Variants in FRMD4A observed in about 807,000 individuals in gnomAD.
FRMD4A encodes the protein FERM domain-containing protein 4A.
In FRMD4A, 29 loss-of-function variants were observed where a neutral mutation model predicts 129.1. The observed-to-expected ratio is 0.22, with a 90% CI of 0.17 to 0.31. The LOEUF (loss-of-function observed/expected upper bound fraction) is 0.31, where lower values mean the gene tolerates loss of function less well. Among genes scored for constraint, FRMD4A ranks in the 10% least tolerant of loss-of-function variants. FRMD4A has a pLI of 1.00. For missense variants in FRMD4A, 1,272 were observed against 1,375.8 expected (o/e 0.92, Z 1.19); for synonymous variants, 634 against 571.6 (o/e 1.11, Z -1.56).
intron 8 of FRMD4A, among the ~76,000 whole-genome samples, chr10:13,756,523 G>A (rs1564749499): frequency 1.3e-5 from 2 of 151,986 alleles, no homozygotes; most frequent in South Asian, 2.1e-4. Flanking sequence ...CACCATGCCC[G>A]ACTAATTGTT....
At chr10:14,202,272 G>T (rs1842660425) in intron 2 of FRMD4A, among the ~76,000 whole-genome samples, 1 of 152,224 alleles carries the variant, frequency 6.6e-6, no homozygotes. Context: ...GCCTGACTTT[G>T]TGATGACACA....
At chr10:14,282,708 GC>G (rs1424525918) in intron 2 of FRMD4A, among the ~76,000 whole-genome samples, 1 of 152,170 alleles carries the variant, frequency 6.6e-6, no homozygotes, top group African/African-American at 2.4e-5. Flanking sequence ...CCAGGTCATA[GC>G]AGACACAGGT....
At chr10:13,742,281 G>T (rs781570871) in intron 9 of FRMD4A, among the ~76,000 whole-genome samples, 1 of 152,146 alleles carries the variant, frequency 6.6e-6, no homozygotes, top group Non-Finnish European at 1.5e-5. Flanking sequence ...CCCCGCTTTC[G>T]GAAGGGCAGA....
intron 23 of FRMD4A, among the ~76,000 whole-genome samples, chr10:13,652,642 AACAG>A (rs2081740476): frequency 6.6e-6 from 1 of 152,222 alleles, no homozygotes; most frequent in South Asian, 2.1e-4. Context: ...GCTACTGTCC[AACAG>A]ACAGCCCAAG....
At chr10:13,855,187 A>C (rs923897724) in intron 3 of FRMD4A, among the ~76,000 whole-genome samples, 2 of 152,174 alleles carry the variant, frequency 1.3e-5, no homozygotes, top group Admixed American at 1.3e-4. Context: ...AAGAAGGGAA[A>C]TGTTATGCTC....
intron 2 of FRMD4A, among the ~76,000 whole-genome samples, chr10:13,966,000 A>G (rs1312582678): frequency 6.6e-6 from 1 of 152,012 alleles, no homozygotes; most frequent in Non-Finnish European, 1.5e-5. Flanking sequence ...TTCCTTTCAC[A>G]TGTAAGTTTG....
chr10:14,265,882 G>A (rs1468280211), intron 2 of FRMD4A, among the ~76,000 whole-genome samples: 1 of 152,160 alleles, frequency 6.6e-6, no homozygotes, highest in Non-Finnish European at 1.5e-5. Context: ...CTCCTGGGGT[G>A]CCTCATCACA....
intron 2 of FRMD4A, among the ~76,000 whole-genome samples, chr10:14,094,631 G>C (rs1198041390): frequency 2.6e-5 from 4 of 152,138 alleles, no homozygotes; most frequent in Non-Finnish European, 5.9e-5. Flanking sequence ...GGCCCTGCTG[G>C]AAAAATCCTG....
At chr10:14,175,740 G>A (rs1049291608) in intron 2 of FRMD4A, among the ~76,000 whole-genome samples, 1 of 151,998 alleles carries the variant, frequency 6.6e-6, no homozygotes, top group African/African-American at 2.4e-5. Context: ...TCCCAGGCTG[G>A]TCTCAAACTC....
intron 2 of FRMD4A, among the ~76,000 whole-genome samples, chr10:14,121,489 C>G (rs914474222): frequency 4.0e-4 from 61 of 152,184 alleles, no homozygotes; most frequent in African/African-American, 1.4e-3. Flanking sequence ...GCTAATGTTG[C>G]TTATTCACAC....
rs114327402 is a variant in FRMD4A, at chr10:13,954,401, G to A, written c.46-95489C>T. Among the ~76,000 whole-genome samples, 510 of 152,210 alleles carry A rather than the reference G, an allele frequency of 3.4e-3. 3 individuals are homozygous for A. The highest frequency in any genetic ancestry group is 0.011 in the African/African-American group (476 of 41,514). The stretch of plus-strand genomic sequence containing the variant: ...AGAGCGTGTGCGGGGGAACTCACAC[G>A]TTTACAAAACCATCAGATCTCCTGA... On this transcript the variant is annotated intron_variant, in intron 2 of 24. Transcript: ENST00000357447.
At chr10:14,261,525 C>A (rs1218333) in intron 2 of FRMD4A, among the ~76,000 whole-genome samples, 2 of 151,934 alleles carry the variant, frequency 1.3e-5, no homozygotes, top group Admixed American at 6.5e-5. Flanking sequence ...TGAAACAGCT[C>A]TCAGAGAAGC....
At chr10:14,291,663 A>G (rs1340205960) in intron 2 of FRMD4A, among the ~76,000 whole-genome samples, 4 of 152,138 alleles carry the variant, frequency 2.6e-5, no homozygotes, top group African/African-American at 9.6e-5. Flanking sequence ...AGATATCTTT[A>G]AAAAGTATAT....
chr10:13,893,393 G>A (rs886323352), intron 2 of FRMD4A, among the ~76,000 whole-genome samples: 5 of 152,156 alleles, frequency 3.3e-5, no homozygotes, highest in Non-Finnish European at 7.3e-5. Flanking sequence ...TGCAATTGGA[G>A]CCCATCTCCT....
rs527499720 is a variant in FRMD4A at position 14,063,447 on chromosome 10, C to T, written c.46-204535G>A. ...AACACTAAGATGAATTTTATTATCT[C>T]TGAATATTTTATAGAAAATTGAGGT... On this transcript the variant is annotated intron_variant, in intron 2 of 24. Transcript: ENST00000357447. Among the ~76,000 whole-genome samples the T allele has an allele frequency of 7.9e-5, 12 of 152,014 alleles. No homozygotes were observed. In the South Asian group the frequency reaches 2.5e-3, roughly 32 times the overall value.
At chr10:14,020,964 G>A (rs2131645696) in intron 2 of FRMD4A, among the ~76,000 whole-genome samples, 1 of 152,270 alleles carries the variant, frequency 6.6e-6, no homozygotes, top group South Asian at 2.1e-4. Flanking sequence ...CCTACCATGT[G>A]CCTCCTTGGC....
At chr10:13,983,667 A>G (rs1172440043) in intron 2 of FRMD4A, among the ~76,000 whole-genome samples, 2 of 152,078 alleles carry the variant, frequency 1.3e-5, no homozygotes, top group Non-Finnish European at 2.9e-5. Context: ...GGAGATACCT[A>G]GGAGGTGAGA....
At chr10:13,651,040 A>AGTTAGACTGTAAGGGTCCTG (rs1330234395) in intron 24 of FRMD4A, 1 of 152,230 alleles carries the variant, frequency 6.6e-6, no homozygotes, top group Non-Finnish European at 1.5e-5. Flanking sequence ...CTTGTGTCCC[A>AGTTAGACTGTAAGGGTCCTG]GTTAGACTGT....
At chr10:13,734,304 G>A (rs1490195741) in intron 12 of FRMD4A, among the ~76,000 whole-genome samples, 1 of 152,062 alleles carries the variant, frequency 6.6e-6, no homozygotes, top group African/African-American at 2.4e-5. Flanking sequence ...TTCCTATCCA[G>A]CCTCCAAGCA....
Sources: allele counts gnomAD v4.1 joint callset (sites outside exome capture counted in the v4.1 genomes callset), GRCh38; gene constraint gnomAD v4.1.1; transcripts MANE v1.5; gene names NCBI Gene and HGNC (gene_info 2026-07-23, HGNC 2026-07-21).